The following BMPER variants were observed in gnomAD, a reference collection of about 807,000 sequenced individuals.
BMPER encodes BMP binding endothelial regulator.
BMPER carries 45 observed loss-of-function variants against 87.3 expected under a neutral mutation model. The observed-to-expected ratio is 0.52, with a 90% CI of 0.41 to 0.66. The LOEUF (loss-of-function observed/expected upper bound fraction) is 0.66, where lower values mean the gene tolerates loss of function less well. Among genes scored for constraint, BMPER ranks in the 30% least tolerant of loss-of-function variants. The probability of loss-of-function intolerance (pLI) is 0.00; values close to 1 mark genes in which losing one functional copy is unlikely to be tolerated. For missense variants in BMPER, 784 were observed against 867.5 expected (o/e 0.90, Z 1.21); for synonymous variants, 326 against 316.2 (o/e 1.03, Z -0.33).
At position 34,007,107 on chromosome 7, in the gene BMPER, C is replaced by T. The variant is rs1256915055; in HGVS notation, c.576+32323C>T. 4.6e-5 allele frequency among the ~76,000 whole-genome samples: 7 copies of T among 152,000 alleles called. No homozygotes were observed. In the East Asian group the frequency reaches 1.4e-3, roughly 29 times the overall value. Reference sequence around the variant, plus strand: ...TTCCCATAACTAATTCAATTGATTCCTTAACATCACTAAAATAAGATAAAA... The same window carrying T: ...TTCCCATAACTAATTCAATTGATTCTTTAACATCACTAAAATAAGATAAAA... On this transcript the variant is annotated intron_variant, in intron 6 of 14. Coordinates refer to ENST00000649409, the MANE Select transcript of BMPER (RefSeq NM_001365308.1).
At chr7:33,909,609 G>A (rs370842275) in intron 2 of BMPER, among the ~76,000 whole-genome samples, 5 of 146,454 alleles carry the variant, frequency 3.4e-5, no homozygotes, top group African/African-American at 1.3e-4. Flanking sequence ...TTTAGTTTGT[G>A]TTGGTCCAGC....
At chr7:34,102,925 G>A (rs1176055422) in intron 13 of BMPER, among the ~76,000 whole-genome samples, 3 of 152,116 alleles carry the variant, frequency 2.0e-5, no homozygotes, top group Non-Finnish European at 4.4e-5. Context: ...GGTCAGGGAG[G>A]CCCTCTGGGA....
chr7:33,909,560 A>G (rs899511380), intron 2 of BMPER, among the ~76,000 whole-genome samples: 2 of 152,040 alleles, frequency 1.3e-5, no homozygotes, highest in South Asian at 2.1e-4. Context: ...AGGGTATGTA[A>G]TAGTCTCAAC....
chr7:34,018,664 G>A lies in BMPER; in HGVS notation c.577-27642G>A, dbSNP rs149775906. On this transcript the variant is annotated intron_variant, in intron 6 of 14. Coordinates refer to ENST00000649409, the MANE Select transcript of BMPER (RefSeq NM_001365308.1). ...ATCCTTTTGACATAGGTCTGCCTTG[G>A]CTTTTCTGCCTTGACTTTATCACGA... Among the ~76,000 whole-genome samples, 648 of 151,936 alleles carry A rather than the reference G, an allele frequency of 4.3e-3. 7 individuals carry two copies. Among genetic ancestry groups the A allele is most frequent in the African/African-American group, 0.014 (589 of 41,492 alleles).
At chr7:33,995,376 G>A (rs1394828038) in intron 6 of BMPER, among the ~76,000 whole-genome samples, 1 of 152,018 alleles carries the variant, frequency 6.6e-6, no homozygotes, top group Admixed American at 6.5e-5. Flanking sequence ...AGAAGTGGAG[G>A]AAGCTTTCCT....
chr7:34,028,601 GTTTTTTTTTTTTTTTTT>G, intron 6 of BMPER, among the ~76,000 whole-genome samples: 32 of 36,066 alleles, frequency 8.9e-4, no homozygotes, highest in South Asian at 4.3e-3. Context: ...CATTTTTTCT[GTTTTTTTTTTTTTTTTT>G]TTTTTTTTTT....
chr7:34,029,363 G>A (rs1483531481), intron 6 of BMPER, among the ~76,000 whole-genome samples: 1 of 152,014 alleles, frequency 6.6e-6, no homozygotes, highest in Non-Finnish European at 1.5e-5. Flanking sequence ...CTAGAGATGG[G>A]AGTGAAATTC....
intron 6 of BMPER, among the ~76,000 whole-genome samples, chr7:34,041,174 C>A (rs1224396124): frequency 2.0e-5 from 3 of 152,196 alleles, no homozygotes; most frequent in Non-Finnish European, 4.4e-5. Context: ...AACCCTGCCA[C>A]TTACTTGTTG....
chr7:34,102,293 C>T (rs1021667113), intron 13 of BMPER, among the ~76,000 whole-genome samples: 1 of 152,188 alleles, frequency 6.6e-6, no homozygotes, highest in Non-Finnish European at 1.5e-5. Context: ...GCCTCATGCT[C>T]CTCATTGGTT....
intron 6 of BMPER, among the ~76,000 whole-genome samples, chr7:34,008,653 G>A (rs1006660517): frequency 6.6e-6 from 1 of 151,786 alleles, no homozygotes; most frequent in Non-Finnish European, 1.5e-5. Context: ...TTGTAAAACT[G>A]CTGGCTAGCC....
intron 13 of BMPER, among the ~76,000 whole-genome samples, chr7:34,110,363 A>T (rs1211207522): frequency 6.6e-6 from 1 of 152,180 alleles, no homozygotes; most frequent in Non-Finnish European, 1.5e-5. Flanking sequence ...GGTACGGAAC[A>T]GGAGGGAGAG....
chr7:34,006,949 A>G (rs780881544), intron 6 of BMPER, among the ~76,000 whole-genome samples: 2 of 152,086 alleles, frequency 1.3e-5, no homozygotes, highest in African/African-American at 4.8e-5. Flanking sequence ...TCATTCACCT[A>G]TTTCAAAGTG....
intron 9 of BMPER, among the ~76,000 whole-genome samples, chr7:34,057,281 G>A (rs1040778763): frequency 2.0e-5 from 3 of 152,214 alleles, no homozygotes; most frequent in Non-Finnish European, 4.4e-5. Flanking sequence ...GCACATCCCT[G>A]CCTGTCCTCC....
Position 34,140,584 on chromosome 7 carries a change from G to A in BMPER, c.1746-2646G>A, listed in dbSNP as rs550628415. 2.2e-4 allele frequency among the ~76,000 whole-genome samples: 34 copies of A among 152,292 alleles called. No individual in the cohort carries two copies. In the East Asian group the frequency reaches 6.4e-3, roughly 29 times the overall value. ...TGTGGAGACAGAGGGACCTGTCTGTGGGTGAGGTGGAGTGTATGTACACAG... is the reference window on the plus strand; with the variant it reads ...TGTGGAGACAGAGGGACCTGTCTGTAGGTGAGGTGGAGTGTATGTACACAG... On this transcript the variant is annotated intron_variant, in intron 13 of 14. Coordinates refer to ENST00000649409, the MANE Select transcript of BMPER (RefSeq NM_001365308.1).
At chr7:34,090,741 G>A (rs941322375) in intron 13 of BMPER, among the ~76,000 whole-genome samples, 6 of 152,226 alleles carry the variant, frequency 3.9e-5, no homozygotes, top group Non-Finnish European at 5.9e-5. Context: ...GAACTCTTAA[G>A]TTAGGGCAGG....
intron 13 of BMPER, among the ~76,000 whole-genome samples, chr7:34,125,909 TG>T (rs1381042583): frequency 6.6e-6 from 1 of 152,206 alleles, no homozygotes; most frequent in African/African-American, 2.4e-5. Flanking sequence ...ATCCAATTAA[TG>T]GGAGTGGGAG....
chr7:34,135,560 A>G (rs1790698679), intron 13 of BMPER, among the ~76,000 whole-genome samples: 1 of 152,174 alleles, frequency 6.6e-6, no homozygotes, highest in African/African-American at 2.4e-5. Context: ...ATTCTCTGTC[A>G]GGGACTTTTT....
intron 13 of BMPER, among the ~76,000 whole-genome samples, chr7:34,122,897 T>G (rs111304567): frequency 3.0e-4 from 46 of 152,330 alleles, no homozygotes; most frequent in African/African-American, 1.1e-3. Context: ...GAAGATATAA[T>G]GCTCTTCTCA....
intron 11 of BMPER, among the ~76,000 whole-genome samples, chr7:34,070,536 CCT>C (rs1788709679): frequency 6.6e-6 from 1 of 152,098 alleles, no homozygotes; most frequent in Admixed American, 6.6e-5. Flanking sequence ...TTTGCACACC[CCT>C]GTCAGAACCC....
Sources: gnomAD v4.1 joint callset for allele counts (sites outside exome capture counted in the v4.1 genomes callset) on GRCh38, gnomAD v4.1.1 for gene constraint, MANE v1.5 for transcripts, NCBI Gene and HGNC (gene_info 2026-07-23, HGNC 2026-07-21) for gene names.